Variants in EFCAB11 observed in about 807,000 individuals in gnomAD.
EFCAB11 encodes the protein EF-hand calcium-binding domain-containing protein 11.
EFCAB11 carries 14 observed loss-of-function variants against 23.0 expected under a neutral mutation model. The ratio of observed to expected loss-of-function variants is 0.61; its 90% CI spans 0.40 to 0.95. The LOEUF is 0.95. Ranked by LOEUF, EFCAB11 falls within the 40% of genes least tolerant of loss-of-function variation. The pLI, the probability that EFCAB11 is intolerant of heterozygous loss-of-function variation, is 0.00. For missense variants in EFCAB11, 198 were observed against 195.8 expected, an observed-to-expected ratio of 1.01 and a Z score of -0.07; for synonymous variants, 65 against 66.6, an observed-to-expected ratio of 0.98 and a Z score of 0.11.
intron 5 of EFCAB11, among the ~76,000 whole-genome samples, chr14:89,929,679 C>A (rs1437740003): frequency 1.3e-5 from 2 of 152,188 alleles, no homozygotes; most frequent in Non-Finnish European, 2.9e-5. Context: ...AGCCACCATG[C>A]CTGGCCAGGA....
At chr14:89,797,476 T>C (rs1356195386) in intron 5 of EFCAB11, 152 bp from the exon 6 acceptor site, 8 of 585,022 alleles carry the variant, frequency 1.4e-5, no homozygotes, top group South Asian at 4.8e-5. Context: ...TGTTTTTTCA[T>C]TGATAATAAA....
At chr14:89,811,162 G>C (rs149412451) in intron 5 of EFCAB11, among the ~76,000 whole-genome samples, 14 of 152,100 alleles carry the variant, frequency 9.2e-5, no homozygotes, top group African/African-American at 1.4e-4. Context: ...CTTGTGGCAG[G>C]ACAGAGCAAG....
At chr14:89,904,375 T>C (rs749509667) in intron 5 of EFCAB11, among the ~76,000 whole-genome samples, 3 of 152,214 alleles carry the variant, frequency 2.0e-5, no homozygotes, top group Non-Finnish European at 2.9e-5. Flanking sequence ...TAGTCTATCA[T>C]TGATGGACAT....
intron 5 of EFCAB11, among the ~76,000 whole-genome samples, chr14:89,849,142 C>T (rs1887520196): frequency 6.6e-6 from 1 of 152,168 alleles, no homozygotes; most frequent in South Asian, 2.1e-4. Flanking sequence ...TACCCTTCAC[C>T]CTCCATGGTC....
chr14:89,820,163 C>T (rs575362878), intron 5 of EFCAB11, among the ~76,000 whole-genome samples: 28 of 152,230 alleles, frequency 1.8e-4, no homozygotes, highest in African/African-American at 6.7e-4. Context: ...ATAGAAAAAC[C>T]TAACAGTTGT....
At chr14:89,886,235 C>T (rs556508126) in intron 5 of EFCAB11, among the ~76,000 whole-genome samples, 2 of 151,944 alleles carry the variant, frequency 1.3e-5, no homozygotes, top group Non-Finnish European at 2.9e-5. Flanking sequence ...GTGATCTGCT[C>T]GGTCAGGCGT....
intron 3 of EFCAB11, among the ~76,000 whole-genome samples, chr14:89,943,760 C>G (rs1451428583): frequency 6.6e-6 from 1 of 152,120 alleles, no homozygotes; most frequent in Non-Finnish European, 1.5e-5. Flanking sequence ...CAGAGTACAG[C>G]AGTGATTTCT....
intron 5 of EFCAB11, among the ~76,000 whole-genome samples, chr14:89,903,218 GCA>G (rs1157090727): frequency 2.0e-5 from 3 of 152,162 alleles, no homozygotes; most frequent in East Asian, 3.8e-4. Flanking sequence ...AATTTTGCTG[GCA>G]CAGTTTCAGA....
At chr14:89,869,798 C>T (rs984317303) in intron 5 of EFCAB11, among the ~76,000 whole-genome samples, 1 of 152,198 alleles carries the variant, frequency 6.6e-6, no homozygotes, top group African/African-American at 2.4e-5. Context: ...TAAGAGACCT[C>T]ACAAAGAATC....
At chr14:89,884,967 C>T (rs1234440682) in intron 5 of EFCAB11, among the ~76,000 whole-genome samples, 1 of 152,210 alleles carries the variant, frequency 6.6e-6, no homozygotes. Context: ...CTCACCAGAA[C>T]CAGACCATGC....
intron 5 of EFCAB11, among the ~76,000 whole-genome samples, chr14:89,803,826 C>T (rs1014516514): frequency 7.2e-5 from 11 of 152,228 alleles, no homozygotes; most frequent in South Asian, 6.2e-4. Flanking sequence ...TTCCCACTGG[C>T]GTGCTTGCCT....
intron 5 of EFCAB11, chr14:89,830,689 G>A (rs1443859335): frequency 6.6e-6 from 1 of 152,068 alleles, no homozygotes; most frequent in Non-Finnish European, 1.5e-5. Context: ...ACTTTATTTT[G>A]AACAGTACTA....
At chr14:89,895,095 C>A (rs565596979) in intron 5 of EFCAB11, among the ~76,000 whole-genome samples, 1 of 152,086 alleles carries the variant, frequency 6.6e-6, no homozygotes, top group Admixed American at 6.6e-5. Flanking sequence ...ATAGGATCTA[C>A]CTCAAAAGAC....
At chr14:89,939,661 G>A (rs761179686) in intron 3 of EFCAB11, among the ~76,000 whole-genome samples, 2 of 152,200 alleles carry the variant, frequency 1.3e-5, no homozygotes, top group Non-Finnish European at 2.9e-5. Flanking sequence ...ACTCTTATAG[G>A]TTTTCTTGCC....
intron 5 of EFCAB11, among the ~76,000 whole-genome samples, chr14:89,912,836 C>T (rs1418348260): frequency 6.6e-6 from 1 of 152,164 alleles, no homozygotes; most frequent in African/African-American, 2.4e-5. Flanking sequence ...ATTTCCATGG[C>T]AACTAGCAAT....
intron 5 of EFCAB11, among the ~76,000 whole-genome samples, chr14:89,915,997 G>A (rs1433653784): frequency 6.6e-6 from 1 of 151,914 alleles, no homozygotes; most frequent in East Asian, 1.9e-4. Context: ...GTTTAATTGA[G>A]CCACACCTAG....
At chr14:89,848,233 T>C (rs1168882488) in intron 5 of EFCAB11, among the ~76,000 whole-genome samples, 1 of 152,118 alleles carries the variant, frequency 6.6e-6, no homozygotes, top group African/African-American at 2.4e-5. Context: ...GGCAGAAAAA[T>C]GGCAGTTAGG....
chr14:89,953,814 A>G, intron 2 of EFCAB11, 92 bp downstream of exon 2: 1 of 1,059,560 alleles, frequency 9.4e-7, no homozygotes, highest in South Asian at 1.5e-5. Flanking sequence ...AAAGCAATTT[A>G]TAAACATCCT....
chr14:89,893,646 T>C (rs563967223), intron 5 of EFCAB11, among the ~76,000 whole-genome samples: 1 of 152,208 alleles, frequency 6.6e-6, no homozygotes, highest in South Asian at 2.1e-4. Flanking sequence ...TCAGTCTCTG[T>C]GGGCTTCATT....
Sources: gnomAD v4.1 joint callset for allele counts (sites outside exome capture counted in the v4.1 genomes callset) on GRCh38, gnomAD v4.1.1 for gene constraint, MANE v1.5 for transcripts, NCBI Gene and HGNC (gene_info 2026-07-23, HGNC 2026-07-21) for gene names.